The following RAET1G variants were observed in gnomAD, a reference collection of about 807,000 sequenced individuals.
RAET1G encodes the protein retinoic acid early transcript 1G.
In RAET1G, 25 loss-of-function variants were observed where a neutral mutation model predicts 29.5. The ratio of observed to expected loss-of-function variants is 0.85; its 90% CI spans 0.62 to 1.18. The LOEUF (loss-of-function observed/expected upper bound fraction) is 1.18. Among genes scored for constraint, RAET1G ranks in the 50% most tolerant of loss-of-function variants. The pLI is 0.00. For synonymous variants in RAET1G, 167 were observed against 159.5 expected, an observed-to-expected ratio of 1.05 and a Z score of -0.36; for missense variants, 434 against 423.6, an observed-to-expected ratio of 1.02 and a Z score of -0.22.
intron 1 of RAET1G, among the ~76,000 whole-genome samples, chr6:149,922,311 G>C (rs2114659518): frequency 6.6e-6 from 1 of 152,306 alleles, no homozygotes; most frequent in African/African-American, 2.4e-5. Context: ...GAGACCTCTG[G>C]GGTGACCAGC....
chr6:149,917,504 C>T (rs1417011512), intron 4 of RAET1G, among the ~76,000 whole-genome samples: 1 of 152,198 alleles, frequency 6.6e-6, no homozygotes, highest in Non-Finnish European at 1.5e-5. Flanking sequence ...CAGCTCCTGT[C>T]TCTGCATGGC....
At chr6:149,917,502 G>T (rs548539714) in intron 4 of RAET1G, among the ~76,000 whole-genome samples, 3 of 152,300 alleles carry the variant, frequency 2.0e-5, no homozygotes, top group South Asian at 2.1e-4. Flanking sequence ...TTCAGCTCCT[G>T]TCTCTGCATG....
In RAET1G at chr6:149,919,748, C is replaced by A. The variant is rs1397090692; in HGVS notation, c.154G>T (p.Val52Phe). 2 of 1,612,866 alleles carry A rather than the reference C, an allele frequency of 1.2e-6. No individual in the cohort carries two copies. Among genetic ancestry groups the A allele is most frequent in the African/African-American group, 1.3e-5 (1 of 74,994 alleles). Residue 52 changes from valine (V) to phenylalanine (F), a missense_variant, in exon 2 of 5, where the codon GTT (valine) becomes TTT (phenylalanine). Coordinates refer to ENST00000367360, the MANE Select transcript of RAET1G (RefSeq NM_001001788.4). Reference protein sequence around the residue: ...KFRPGPRWCAVQGQVDEKTFL... With the variant: ...KFRPGPRWCAFQGQVDEKTFL... The stretch of plus-strand genomic sequence containing the variant: ...GTCTTTTCATCCACCTGGCCTTGAA[C>A]CGCACACCACCGTGGTCCAGGTCTG...
At chr6:149,922,334 G>C (rs750917110) in intron 1 of RAET1G, among the ~76,000 whole-genome samples, 15 of 152,162 alleles carry the variant, frequency 9.9e-5, no homozygotes, top group Non-Finnish European at 1.8e-4. Flanking sequence ...GGCTGAGGTG[G>C]GGAGTAAGAG....
intron 4 of RAET1G, among the ~76,000 whole-genome samples, chr6:149,917,940 T>C (rs1214264273): frequency 6.6e-6 from 1 of 152,200 alleles, no homozygotes; most frequent in Non-Finnish European, 1.5e-5. Flanking sequence ...ACCCTGAGCC[T>C]TGGTATGGCA....
chr6:149,919,228 A>G lies in RAET1G; in HGVS notation c.446T>C (p.Leu149Pro). 1 of 1,614,158 alleles carries G rather than the reference A, an allele frequency of 6.2e-7. No homozygotes were observed. Among genetic ancestry groups the G allele is most frequent in the Non-Finnish European group, 8.5e-7 (1 of 1,180,008 alleles). ...CATTCTGTTTTCTGAGTCAAAGAGG[A>G]GGAAGATCTGTCCATCGAAACTGAG... Reference protein sequence around the residue: ...WQLSFDGQIFLLFDSENRMWT... With the variant: ...WQLSFDGQIFPLFDSENRMWT... The change falls in exon 3 of 5, where the codon CTC (leucine) becomes CCC (proline). Residue 149 changes from leucine to proline, a missense_variant. Coordinates refer to ENST00000367360, the MANE Select transcript of RAET1G (RefSeq NM_001001788.4).
At position 149,919,221 on chromosome 6, in the gene RAET1G, A is replaced by G. The variant is rs1482588573; in HGVS notation, c.453T>C (p.Phe151=). The change falls in exon 3 of 5, where the codon TTT becomes TTC. Residue 151 remains phenylalanine, a synonymous_variant. Coordinates refer to ENST00000367360, the MANE Select transcript of RAET1G (RefSeq NM_001001788.4). The part of the protein sequence containing the change: ...LSFDGQIFLL[F]DSENRMWTTV... ...TTGTCCACATTCTGTTTTCTGAGTCAAAGAGGAGGAAGATCTGTCCATCGA... is the reference window on the plus strand; with the variant it reads ...TTGTCCACATTCTGTTTTCTGAGTCGAAGAGGAGGAAGATCTGTCCATCGA... 3 of 1,614,068 alleles carry G rather than the reference A, an allele frequency of 1.9e-6. No homozygotes were observed. Among genetic ancestry groups the G allele is most frequent in the Non-Finnish European group, 8.5e-7 (1 of 1,180,038 alleles).
Position 149,919,261 on chromosome 6 carries a change from GA to G in RAET1G, c.412del (p.Ser138LeufsTer31), listed in dbSNP as rs1174534530. 1 of 1,614,234 alleles carries G rather than the reference GA, an allele frequency of 6.2e-7. No individual in the cohort carries two copies. Among genetic ancestry groups the G allele is most frequent in the Admixed American group, 1.7e-5 (1 of 60,034 alleles). Reference protein sequence around the residue: ...EQKAEGHGSGSWQLSFDGQIF... With the variant: ...EQKAEGHGSGXWQLSFDGQIF... ...CTGTCCATCGAAACTGAGCTGCCAA[GA>G]TCCACTGCCGTGTCCTTCGGCTTTC... On this transcript the variant is annotated frameshift_variant, in exon 3 of 5. Coordinates refer to ENST00000367360, the MANE Select transcript of RAET1G (RefSeq NM_001001788.4). LOFTEE classifies it high-confidence loss of function.
rs1260750522 is a variant in RAET1G at position 149,922,914 on chromosome 6, C to T, written c.85+12G>A. On this transcript the variant is annotated intron_variant, in intron 1 of 4. Transcript: ENST00000367360. ...GGCCTCCGCCCCGCTTAGGCTCCAT[C>T]CCCGAACTCACCGGCCAGCCCGGTC... 4.4e-6 allele frequency: 7 copies of T among 1,579,350 alleles called. No individual in the cohort carries two copies. Among genetic ancestry groups the T allele is most frequent in the Non-Finnish European group, 6.0e-6 (7 of 1,162,270 alleles).
In RAET1G at chr6:149,918,311, G is replaced by A. The variant is rs1239762239; in HGVS notation, c.705C>T (p.Leu235=). The A allele has an allele frequency of 1.9e-6, 3 of 1,613,496 alleles. No homozygotes were observed. The highest frequency in any genetic ancestry group is 3.3e-5 in the Admixed American group (2 of 59,922). Reference sequence around the variant, plus strand: ...TGGAGCATATGAGGAGACACATGATGAGGAGGCAGCAAAGGATGAGGGTGG... The same window carrying A: ...TGGAGCATATGAGGAGACACATGATAAGGAGGCAGCAAAGGATGAGGGTGG... ...TATTLILCCL[L]IMCLLICSRH... is the part of the protein sequence containing the mutation. Residue 235 remains leucine, a synonymous_variant, in exon 4 of 5, where the codon CTC becomes CTT. Coordinates refer to ENST00000367360, the MANE Select transcript of RAET1G (RefSeq NM_001001788.4).
In RAET1G at chr6:149,923,070, G is replaced by T. The variant is rs1265802911; in HGVS notation, c.-60C>A. The T allele has an allele frequency of 2.4e-6, 3 of 1,270,004 alleles. No homozygotes were observed. The highest frequency in any genetic ancestry group is 2.2e-6 in the Non-Finnish European group (2 of 903,996). 78.7% of individuals were successfully genotyped at this position (1,270,004 alleles called of 1,614,324 possible). A position where few individuals can be genotyped will look rare whatever the true frequency, so the allele number is the denominator to read the frequency against. On this transcript the variant is annotated 5_prime_UTR_variant, in exon 1 of 5. Coordinates refer to ENST00000367360, the MANE Select transcript of RAET1G (RefSeq NM_001001788.4). Reference sequence around the variant, plus strand: ...AGCCCAGCCCGTGGATCACCTGGCGGCTCGCAGGCTGTCTGAATGCAGCCC... The same window carrying T: ...AGCCCAGCCCGTGGATCACCTGGCGTCTCGCAGGCTGTCTGAATGCAGCCC...
chr6:149,919,020 C>G, intron 3 of RAET1G, 23 bp downstream of exon 3: 1 of 1,612,308 alleles, frequency 6.2e-7, no homozygotes, highest in East Asian at 2.2e-5. Context: ...ATTGGAGATC[C>G]CCATTTCTTT....
Position 149,916,920 on chromosome 6 carries a change from T to G in RAET1G, c.997A>C (p.Ile333Leu), listed in dbSNP as rs902462008. ...CTGGGCCCAGGGAACCATCAAGATA[T>G]GGAGACCTGTAGTGGCTCCGAATAC... ...ARYSEPLQVS[I>L]S Residue 333 changes from isoleucine (I) to leucine (L), a missense_variant, in exon 5 of 5, where the codon ATA (isoleucine) becomes CTA (leucine). Physicochemically the swap from Ile to Leu is conservative, Grantham distance 5 (BLOSUM62 2). Transcript: ENST00000367360. The G allele has an allele frequency of 3.3e-6, 5 of 1,528,962 alleles. No homozygotes were observed. Among genetic ancestry groups the G allele is most frequent in the Non-Finnish European group, 4.4e-6 (5 of 1,136,268 alleles). 94.7% of individuals were successfully genotyped at this position (1,528,962 alleles called of 1,614,324 possible). A position where few individuals can be genotyped will look rare whatever the true frequency, so the allele number is the denominator to read the frequency against.
At chr6:149,922,669 C>G (rs1412730446) in intron 1 of RAET1G, among the ~76,000 whole-genome samples, 1 of 152,166 alleles carries the variant, frequency 6.6e-6, no homozygotes, top group African/African-American at 2.4e-5. Context: ...CTCCACGTCG[C>G]CCTCTGCAGC....
Position 149,919,328 on chromosome 6 carries a change from C to G in RAET1G, c.350-4G>C, listed in dbSNP as rs1351783165. ...CTGGCCTGCAGGGTGAGGGGTTCTG[C>G]CCCCATCAAAGAGAGATCAGCTCTG... On this transcript the variant is annotated splice_polypyrimidine_tract_variant and splice_region_variant and intron_variant, in intron 2 of 4. Coordinates refer to ENST00000367360, the MANE Select transcript of RAET1G (RefSeq NM_001001788.4). 1 of 1,612,104 alleles carries G rather than the reference C, an allele frequency of 6.2e-7. No homozygotes were observed. Among genetic ancestry groups the G allele is most frequent in the Admixed American group, 1.7e-5 (1 of 59,934 alleles).
intron 1 of RAET1G, among the ~76,000 whole-genome samples, chr6:149,921,801 C>T (rs548879313): frequency 6.6e-6 from 1 of 152,254 alleles, no homozygotes; most frequent in East Asian, 1.9e-4. Flanking sequence ...CCAACTGACA[C>T]CTGAGACACC....
In RAET1G at chr6:149,919,736, C is replaced by T. The variant is rs1778552167; in HGVS notation, c.166G>A (p.Val56Met). The part of the protein sequence containing the change: ...GPRWCAVQGQ[V>M]DEKTFLHYDC... The stretch of plus-strand genomic sequence containing the variant: ...TAGTGAAGAAAAGTCTTTTCATCCA[C>T]CTGGCCTTGAACCGCACACCACCGT... The change falls in exon 2 of 5, where the codon GTG becomes ATG. Residue 56 changes from valine (V) to methionine (M), a missense_variant. By Grantham distance (21) the Val-to-Met change is conservative. Coordinates refer to ENST00000367360, the MANE Select transcript of RAET1G (RefSeq NM_001001788.4). 2 of 1,613,334 alleles carry T rather than the reference C, an allele frequency of 1.2e-6. No homozygotes were observed. Among genetic ancestry groups the T allele is most frequent in the East Asian group, 2.2e-5 (1 of 44,876 alleles).
At chr6:149,919,932 G>A in intron 1 of RAET1G, 116 bp from the exon 2 acceptor site, 1 of 1,597,820 alleles carries the variant, frequency 6.3e-7, no homozygotes, top group Non-Finnish European at 8.5e-7. Flanking sequence ...CCAGCAAGGA[G>A]TGCCTCCTCC....
At chr6:149,919,843 G>A (rs762255306) in intron 1 of RAET1G, 27 bp from the exon 2 acceptor site, 2 of 1,612,014 alleles carry the variant, frequency 1.2e-6, no homozygotes, top group South Asian at 1.1e-5. Flanking sequence ...GTGAGGGGTG[G>A]GTGGGGAGGA....
Sources: allele counts gnomAD v4.1 joint callset (sites outside exome capture counted in the v4.1 genomes callset), GRCh38; gene constraint gnomAD v4.1.1; transcripts MANE v1.5; gene names NCBI Gene and HGNC (gene_info 2026-07-23, HGNC 2026-07-21).